Variants in SPTLC2 observed in about 807,000 individuals in gnomAD.
SPTLC2 encodes serine palmitoyltransferase 2.
In SPTLC2, 21 loss-of-function variants were observed where a neutral mutation model predicts 62.0. The observed-to-expected ratio is 0.34, with a 90% CI of 0.24 to 0.49. The LOEUF is 0.49. Ranked by LOEUF, SPTLC2 falls within the 20% of genes least tolerant of loss-of-function variation. The pLI is 0.99. For synonymous variants in SPTLC2, 261 were observed against 261.8 expected (o/e 1.00, Z 0.03); for missense variants, 511 against 713.0 (o/e 0.72, Z 3.23).
intron 10 of SPTLC2, 57 bp downstream of exon 10, chr14:77,521,389 C>T: frequency 6.2e-7 from 1 of 1,609,932 alleles, no homozygotes. Flanking sequence ...AAGCCCTGGT[C>T]TCACATCACA....
intron 11 of SPTLC2, among the ~76,000 whole-genome samples, chr14:77,513,746 T>C (rs1387355396): frequency 1.3e-5 from 2 of 151,780 alleles, no homozygotes; most frequent in Non-Finnish European, 2.9e-5. Flanking sequence ...AAATACAAAA[T>C]TAGCTGGGCG....
chr14:77,557,132 C>G lies in SPTLC2; in HGVS notation c.865G>C (p.Glu289Gln), dbSNP rs1028968270. Residue 289 changes from glutamate to glutamine, a missense_variant, in exon 7 of 12, where the codon GAG becomes CAG. Coordinates refer to ENST00000216484, the MANE Select transcript of SPTLC2 (RefSeq NM_004863.4). ...IFKHNNMQSL[E>Q]KLLKDAIVYG... ...ACAATGGCATCTTTCAATAGCTTCT[C>G]TAGGCTTTGCATATCTACAGAGCAC... 1.9e-6 allele frequency: 3 copies of G among 1,613,508 alleles called. No individual in the cohort carries two copies.
rs1201417810 is a variant in SPTLC2, at chr14:77,595,818, C to CA, written c.327+1367dup. 3.9e-5 allele frequency among the ~76,000 whole-genome samples: 6 copies of CA among 152,188 alleles called. No homozygotes were observed. In the East Asian group the frequency reaches 7.7e-4, roughly 20 times the overall value. On this transcript the variant is annotated intron_variant, in intron 2 of 11. Coordinates refer to ENST00000216484, the MANE Select transcript of SPTLC2 (RefSeq NM_004863.4). Reference sequence around the variant, plus strand: ...CTTTTCCTCGGACGCACAGGAACCACAAAAAAACTCTAATGTCTTAAGTCC... The same window carrying CA: ...CTTTTCCTCGGACGCACAGGAACCACAAAAAAAACTCTAATGTCTTAAGTCC...
rs1183396877 is a variant in SPTLC2 at position 77,555,431 on chromosome 14, T to C, written c.1045A>G (p.Ile349Val). 1 of 1,614,224 alleles carries C rather than the reference T, an allele frequency of 6.2e-7. No homozygotes were observed. Among genetic ancestry groups the C allele is most frequent in the Non-Finnish European group, 8.5e-7 (1 of 1,180,040 alleles). Residue 349 changes from isoleucine to valine, a missense_variant, in exon 8 of 12, where the codon ATT (isoleucine) becomes GTT (valine). Ile to Val is a conservative substitution (Grantham distance 29). Transcript: ENST00000216484. Reference protein sequence around the residue: ...AYLYLDEAHSIGALGPTGRGV... With the variant: ...AYLYLDEAHSVGALGPTGRGV... ...CGGCCTGTGGGGCCCAGGGCGCCAA[T>C]GCTGTGAGCCTCATCCAGATACAAG...
At position 77,589,028 on chromosome 14, in the gene SPTLC2, A is replaced by C. The variant is rs866568897; in HGVS notation, c.327+8158T>G. ...AAAAAAAAAAAAAAAAAAAAAAAAA[A>C]ACACACAAAGAAAGAAAAGAAAAAG... On this transcript the variant is annotated intron_variant, in intron 2 of 11. Transcript: ENST00000216484. Among the ~76,000 whole-genome samples, 58 of 118,624 alleles carry C rather than the reference A, an allele frequency of 4.9e-4. 1 individual carries two copies. The highest frequency in any genetic ancestry group is 2.5e-3 in the East Asian group (11 of 4,356). 77.8% of individuals were successfully genotyped at this position (118,624 alleles called of 152,430 possible).
chr14:77,585,779 C>T (rs1329541761), intron 2 of SPTLC2, among the ~76,000 whole-genome samples: 1 of 152,184 alleles, frequency 6.6e-6, no homozygotes, highest in Non-Finnish European at 1.5e-5. Flanking sequence ...ATCTACAAAA[C>T]TATAAAGTAT....
chr14:77,575,066 TA>T (rs1477399512), intron 4 of SPTLC2, among the ~76,000 whole-genome samples: 2 of 151,892 alleles, frequency 1.3e-5, no homozygotes, highest in Non-Finnish European at 2.9e-5. Flanking sequence ...AAAATCACAT[TA>T]AAAAATCAGC....
At chr14:77,606,897 G>A (rs911602395) in intron 1 of SPTLC2, among the ~76,000 whole-genome samples, 12 of 151,966 alleles carry the variant, frequency 7.9e-5, no homozygotes, top group Non-Finnish European at 1.8e-4. Context: ...GCTGAGATAG[G>A]AGGATCTCCT....
rs141093283 is a variant in SPTLC2 at position 77,550,202 on chromosome 14, C to G, written c.1303+1894G>C. Among the ~76,000 whole-genome samples the G allele has an allele frequency of 2.3e-3, 353 of 152,372 alleles. 1 individual carries two copies. Among genetic ancestry groups the G allele is most frequent in the African/African-American group, 7.8e-3 (326 of 41,588 alleles). ...CAAAACTGAAAATGATCACATTTCA[C>G]TATTTCCAAAAATCTCTCATTAGAG... is the stretch of plus-strand genomic sequence containing the variant. On this transcript the variant is annotated intron_variant, in intron 9 of 11. Coordinates refer to ENST00000216484, the MANE Select transcript of SPTLC2 (RefSeq NM_004863.4).
At chr14:77,522,908 C>T (rs1404582083) in intron 9 of SPTLC2, among the ~76,000 whole-genome samples, 1 of 152,170 alleles carries the variant, frequency 6.6e-6, no homozygotes, top group Non-Finnish European at 1.5e-5. Flanking sequence ...AATCAGAATA[C>T]TAACATATCC....
chr14:77,539,376 T>C (rs1555374289), intron 9 of SPTLC2, among the ~76,000 whole-genome samples: 1 of 149,564 alleles, frequency 6.7e-6, no homozygotes, highest in African/African-American at 2.5e-5. Flanking sequence ...AAAAATTAAT[T>C]AAAAAAAGAA....
At chr14:77,576,673 A>T in intron 4 of SPTLC2, 94 bp downstream of exon 4, 1 of 1,532,906 alleles carries the variant, frequency 6.5e-7, no homozygotes, top group Non-Finnish European at 9.0e-7. Context: ...GACAAAGTGT[A>T]GATATTTAAT....
chr14:77,557,180 T>C, intron 6 of SPTLC2, 34 bp from the exon 7 acceptor site: 1 of 1,515,730 alleles, frequency 6.6e-7, no homozygotes, highest in Non-Finnish European at 9.1e-7. Flanking sequence ...TTATACCGCA[T>C]CTTCCTCTTT....
intron 9 of SPTLC2, among the ~76,000 whole-genome samples, chr14:77,522,602 T>G (rs2079390147): frequency 6.6e-6 from 1 of 152,240 alleles, no homozygotes; most frequent in Non-Finnish European, 1.5e-5. Context: ...GCCAACTGAC[T>G]AAATATTTGG....
chr14:77,549,515 A>G (rs1213647266), intron 9 of SPTLC2, among the ~76,000 whole-genome samples: 3 of 152,182 alleles, frequency 2.0e-5, no homozygotes, highest in Non-Finnish European at 4.4e-5. Context: ...AAGTCACTCC[A>G]GCCCAGGTGA....
chr14:77,539,506 T>TTTTG (rs374182497), intron 9 of SPTLC2, among the ~76,000 whole-genome samples: 399 of 79,632 alleles, frequency 5.0e-3, no homozygotes, highest in East Asian at 0.018. Flanking sequence ...TTTTTTTTTT[T>TTTTG]GGAGATGGGG....
intron 9 of SPTLC2, among the ~76,000 whole-genome samples, chr14:77,542,462 T>G (rs1397017106): frequency 1.3e-5 from 2 of 152,136 alleles, no homozygotes; most frequent in Non-Finnish European, 2.9e-5. Flanking sequence ...AGAACAGTCT[T>G]GTAAAAGGGA....
At chr14:77,562,351 G>A in intron 6 of SPTLC2, 45 bp downstream of exon 6, 2 of 1,558,126 alleles carry the variant, frequency 1.3e-6, no homozygotes. Flanking sequence ...TGGATCGAAA[G>A]AATAGCAAAA....
chr14:77,531,083 T>A (rs893366981), intron 9 of SPTLC2, among the ~76,000 whole-genome samples: 1 of 151,972 alleles, frequency 6.6e-6, no homozygotes, highest in Non-Finnish European at 1.5e-5. Context: ...TCCTGCATTC[T>A]CCTTTCCCAT....
Sources: allele counts gnomAD v4.1 joint callset (sites outside exome capture counted in the v4.1 genomes callset), GRCh38; gene constraint gnomAD v4.1.1; transcripts MANE v1.5; gene names NCBI Gene and HGNC (gene_info 2026-07-23, HGNC 2026-07-21).